The following SUPT3H variants were observed in gnomAD, a reference collection of about 807,000 sequenced individuals.
SUPT3H encodes SPT3 homolog, SAGA and STAGA complex component.
Under a neutral mutation model 44.3 loss-of-function variants are expected in SUPT3H, and 44 were observed. That is an observed-to-expected ratio of 0.99 (90% CI 0.78 to 1.28). The LOEUF is 1.28. Among genes scored for constraint, SUPT3H ranks in the 50% most tolerant of loss-of-function variants. SUPT3H has a pLI of 0.00. For synonymous variants in SUPT3H, 124 were observed against 125.6 expected (o/e 0.99, Z 0.09); for missense variants, 380 against 387.1 (o/e 0.98, Z 0.15).
At chr6:45,288,317 G>A (rs929565065) in intron 2 of SUPT3H, among the ~76,000 whole-genome samples, 2 of 151,806 alleles carry the variant, frequency 1.3e-5, no homozygotes. Flanking sequence ...TTTATTAAGA[G>A]ACTTAAGGAT....
At chr6:44,893,739 T>C (rs1172415038) in intron 10 of SUPT3H, among the ~76,000 whole-genome samples, 10 of 146,194 alleles carry the variant, frequency 6.8e-5, no homozygotes, top group Non-Finnish European at 1.4e-4. Context: ...ATATACCCAG[T>C]AATGGGATGG....
chr6:44,853,345 C>A (rs559632958), intron 10 of SUPT3H, among the ~76,000 whole-genome samples: 1 of 152,194 alleles, frequency 6.6e-6, no homozygotes, highest in East Asian at 1.9e-4. Flanking sequence ...GCTCTAAAAT[C>A]ATCATAGGAA....
chr6:44,896,648 T>C (rs1324682389), intron 10 of SUPT3H, among the ~76,000 whole-genome samples: 1 of 152,200 alleles, frequency 6.6e-6, no homozygotes, highest in Non-Finnish European at 1.5e-5. Flanking sequence ...CTGGTTCTTA[T>C]TCCTGTGCTT....
At chr6:45,355,625 ATATT>A (rs1292984378) in intron 2 of SUPT3H, among the ~76,000 whole-genome samples, 1 of 152,186 alleles carries the variant, frequency 6.6e-6, no homozygotes, top group Non-Finnish European at 1.5e-5. Flanking sequence ...TGAAATATTT[ATATT>A]TAATTACAAA....
At chr6:45,330,170 C>T (rs540685107) in intron 2 of SUPT3H, among the ~76,000 whole-genome samples, 1 of 151,714 alleles carries the variant, frequency 6.6e-6, no homozygotes, top group Non-Finnish European at 1.5e-5. Context: ...GTAAGTGGGC[C>T]CCCTCAGTTA....
At chr6:45,336,417 C>T (rs182666407) in intron 2 of SUPT3H, among the ~76,000 whole-genome samples, 22 of 151,342 alleles carry the variant, frequency 1.5e-4, no homozygotes, top group Non-Finnish European at 3.1e-4. Flanking sequence ...CACAAGTACC[C>T]AGGAAGAAAA....
At chr6:45,282,479 G>A (rs1197036338) in intron 2 of SUPT3H, among the ~76,000 whole-genome samples, 2 of 152,072 alleles carry the variant, frequency 1.3e-5, no homozygotes, top group East Asian at 3.9e-4. Flanking sequence ...TGGAAGAAAG[G>A]GTATCAGTGA....
intron 10 of SUPT3H, among the ~76,000 whole-genome samples, chr6:44,879,650 G>A (rs919580367): frequency 1.1e-4 from 17 of 149,084 alleles, no homozygotes; most frequent in African/African-American, 3.9e-4. Context: ...TCCCAGTAGG[G>A]GCTGACAGAC....
At chr6:45,351,582 C>A (rs766581683) in intron 2 of SUPT3H, among the ~76,000 whole-genome samples, 1 of 152,114 alleles carries the variant, frequency 6.6e-6, no homozygotes, top group Non-Finnish European at 1.5e-5. Flanking sequence ...TTTTCTGTTA[C>A]ATTTTCTGTT....
chr6:44,904,051 A>G (rs1582387399), intron 10 of SUPT3H, among the ~76,000 whole-genome samples: 1 of 152,326 alleles, frequency 6.6e-6, no homozygotes, highest in African/African-American at 2.4e-5. Context: ...AGAGCTATCT[A>G]TGACAAACCC....
intron 5 of SUPT3H, among the ~76,000 whole-genome samples, chr6:45,014,319 G>GATAT (rs1329883057): frequency 2.0e-5 from 3 of 152,078 alleles, no homozygotes; most frequent in Non-Finnish European, 4.4e-5. Context: ...GGTGTCTGAA[G>GATAT]CATGGTGTTA....
rs75651003 is a variant in SUPT3H at position 45,122,703 on chromosome 6, G to A, written c.102-16697C>T. 7.5e-3 allele frequency among the ~76,000 whole-genome samples: 1,145 copies of A among 152,048 alleles called. 21 individuals carry two copies. Among genetic ancestry groups the A allele is most frequent in the African/African-American group, 0.026 (1,087 of 41,460 alleles). On this transcript the variant is annotated intron_variant, in intron 2 of 10. Coordinates refer to ENST00000371459, the MANE Select transcript of SUPT3H (RefSeq NM_003599.4). ...TGTTTCTAATTAAAAAAAAATTTTG[G>A]GAGTATTGTTGAAGAGAATTCATAT...
intron 10 of SUPT3H, among the ~76,000 whole-genome samples, chr6:44,923,130 C>T (rs552510039): frequency 2.6e-5 from 4 of 152,174 alleles, no homozygotes; most frequent in African/African-American, 9.6e-5. Flanking sequence ...CAAATTCTTC[C>T]TCTATTCCTC....
At chr6:45,217,444 C>T (rs969711838) in intron 2 of SUPT3H, among the ~76,000 whole-genome samples, 2 of 151,398 alleles carry the variant, frequency 1.3e-5, no homozygotes, top group African/African-American at 2.4e-5. Flanking sequence ...AACTGCACTC[C>T]AGCCTGGGCG....
chr6:44,974,696 G>C (rs1344746872), intron 6 of SUPT3H, among the ~76,000 whole-genome samples: 1 of 152,054 alleles, frequency 6.6e-6, no homozygotes, highest in Admixed American at 6.6e-5. Flanking sequence ...CTGACATCAT[G>C]GTCTGTTGCA....
chr6:44,912,158 C>T (rs1228781423), intron 10 of SUPT3H, among the ~76,000 whole-genome samples: 1 of 152,164 alleles, frequency 6.6e-6, no homozygotes, highest in African/African-American at 2.4e-5. Context: ...GCATTAATTA[C>T]ATTAATAATA....
Position 45,003,797 on chromosome 6 carries a change from A to G in SUPT3H, c.365-5T>C, listed in dbSNP as rs1782336534. The G allele has an allele frequency of 1.2e-6, 2 of 1,613,412 alleles. No individual in the cohort carries two copies. The highest frequency in any genetic ancestry group is 1.7e-6 in the Non-Finnish European group (2 of 1,179,684). ...TATTGCTGCCACTCAATTTGTCTTC[A>G]TGAAGTCAAGGGAAAGAAAAAAAGA... On this transcript the variant is annotated splice_region_variant and splice_polypyrimidine_tract_variant and intron_variant, in intron 5 of 10. Coordinates refer to ENST00000371459, the MANE Select transcript of SUPT3H (RefSeq NM_003599.4).
At chr6:45,047,352 A>C (rs1789559577) in intron 3 of SUPT3H, among the ~76,000 whole-genome samples, 1 of 152,182 alleles carries the variant, frequency 6.6e-6, no homozygotes, top group Admixed American at 6.5e-5. Context: ...TGGTATGGCA[A>C]TCCTGCAACC....
chr6:45,020,807 A>T (rs1204323934), intron 3 of SUPT3H, among the ~76,000 whole-genome samples, 175 bp from the exon 4 acceptor site: 1 of 152,010 alleles, frequency 6.6e-6, no homozygotes, highest in East Asian at 1.9e-4. Flanking sequence ...GATATAAAAC[A>T]TGCAATTAAA....
Sources: allele counts gnomAD v4.1 joint callset (sites outside exome capture counted in the v4.1 genomes callset), GRCh38; gene constraint gnomAD v4.1.1; transcripts MANE v1.5; gene names NCBI Gene and HGNC (gene_info 2026-07-23, HGNC 2026-07-21).